Variants in EXOC4 observed in about 807,000 individuals in gnomAD.
EXOC4 encodes exocyst complex component 4.
EXOC4 carries 71 observed loss-of-function variants against 107.2 expected under a neutral mutation model. That is an observed-to-expected ratio of 0.66 (90% CI 0.55 to 0.81). The LOEUF (loss-of-function observed/expected upper bound fraction) is 0.81. Ranked by LOEUF, EXOC4 falls within the 30% of genes least tolerant of loss-of-function variation. The probability of loss-of-function intolerance (pLI) is 0.00; values close to 1 mark genes in which losing one functional copy is unlikely to be tolerated. For synonymous variants in EXOC4, 456 were observed against 441.2 expected (o/e 1.03, Z -0.42); for missense variants, 1,108 against 1,189.6 (o/e 0.93, Z 1.01).
chr7:133,727,018 A>C (rs1480810087), intron 10 of EXOC4, among the ~76,000 whole-genome samples: 1 of 152,214 alleles, frequency 6.6e-6, no homozygotes, highest in East Asian at 1.9e-4. Flanking sequence ...GGCGTCATGG[A>C]ATTAGTTGAG....
chr7:133,985,545 C>T (rs1794094296), intron 14 of EXOC4, among the ~76,000 whole-genome samples: 1 of 152,174 alleles, frequency 6.6e-6, no homozygotes, highest in Admixed American at 6.5e-5. Flanking sequence ...TTGACAGCTA[C>T]CAGAAGCTCC....
chr7:133,649,605 A>G, intron 10 of EXOC4, among the ~76,000 whole-genome samples: 1 of 151,818 alleles, frequency 6.6e-6, no homozygotes, highest in Non-Finnish European at 1.5e-5. Flanking sequence ...TGTAAACCTC[A>G]CTAATACTTT....
intron 11 of EXOC4, among the ~76,000 whole-genome samples, chr7:133,863,365 A>G (rs1266977454): frequency 6.6e-6 from 1 of 152,224 alleles, no homozygotes; most frequent in Non-Finnish European, 1.5e-5. Context: ...TAACAATGAA[A>G]AATAATACAC....
At chr7:133,743,267 C>G (rs531392292) in intron 10 of EXOC4, among the ~76,000 whole-genome samples, 92 of 152,198 alleles carry the variant, frequency 6.0e-4, no homozygotes, top group African/African-American at 2.2e-3. Flanking sequence ...CTTGTTTTCC[C>G]ATCTCCAGAA....
chr7:133,404,224 C>T (rs1374385530), intron 7 of EXOC4, among the ~76,000 whole-genome samples: 4 of 152,008 alleles, frequency 2.6e-5, no homozygotes, highest in Non-Finnish European at 5.9e-5. Context: ...CTCAGCCTCC[C>T]GAGTAGCTGG....
At chr7:133,942,812 T>A (rs752354225) in intron 14 of EXOC4, among the ~76,000 whole-genome samples, 1 of 152,176 alleles carries the variant, frequency 6.6e-6, no homozygotes, top group Non-Finnish European at 1.5e-5. Flanking sequence ...TTCTTGTGCC[T>A]AAACAGAATT....
intron 7 of EXOC4, among the ~76,000 whole-genome samples, chr7:133,433,197 T>C (rs1302020510): frequency 2.0e-5 from 3 of 152,158 alleles, no homozygotes; most frequent in Non-Finnish European, 4.4e-5. Flanking sequence ...AATGGAAGGA[T>C]GTGGTAGGTT....
intron 15 of EXOC4, among the ~76,000 whole-genome samples, chr7:134,004,389 A>G (rs766298521): frequency 6.6e-6 from 1 of 152,168 alleles, no homozygotes; most frequent in African/African-American, 2.4e-5. Flanking sequence ...TGGATAAGGA[A>G]CTGAGGGATA....
rs538543063 is a variant in EXOC4, at chr7:133,483,941, C to T, written c.1417+3803C>T. The T allele has an allele frequency of 1.1e-3, 1,382 of 1,248,274 alleles. 12 individuals carry two copies. Among genetic ancestry groups the T allele is most frequent in the South Asian group, 5.3e-3 (438 of 83,078 alleles). 77.3% of individuals were successfully genotyped at this position (1,248,274 alleles called of 1,614,324 possible). A position where few individuals can be genotyped will look rare whatever the true frequency, so the allele number is the denominator to read the frequency against. On this transcript the variant is annotated intron_variant, in intron 9 of 17. Coordinates refer to ENST00000253861, the MANE Select transcript of EXOC4 (RefSeq NM_021807.4). ...AATAGTTCAGTCAAACCGTAAGAGACTAAGGGAAGATTTTTGTTTCTTCTG... is the reference window on the plus strand; with the variant it reads ...AATAGTTCAGTCAAACCGTAAGAGATTAAGGGAAGATTTTTGTTTCTTCTG...
At chr7:133,838,664 G>A (rs1192813974) in intron 11 of EXOC4, among the ~76,000 whole-genome samples, 1 of 152,174 alleles carries the variant, frequency 6.6e-6, no homozygotes, top group Admixed American at 6.5e-5. Context: ...TCAGGTAATA[G>A]CTATGCTGCA....
At chr7:133,717,290 A>G (rs1795017515) in intron 10 of EXOC4, among the ~76,000 whole-genome samples, 1 of 152,214 alleles carries the variant, frequency 6.6e-6, no homozygotes, top group Non-Finnish European at 1.5e-5. Context: ...TTTATCAATG[A>G]TAGGAACAAT....
intron 7 of EXOC4, among the ~76,000 whole-genome samples, chr7:133,446,476 C>G (rs1465169493): frequency 6.6e-6 from 1 of 152,114 alleles, no homozygotes; most frequent in African/African-American, 2.4e-5. Flanking sequence ...TCACTGTTAG[C>G]TAGTGAAAAC....
At chr7:133,719,300 T>C (rs1795058767) in intron 10 of EXOC4, among the ~76,000 whole-genome samples, 1 of 152,154 alleles carries the variant, frequency 6.6e-6, no homozygotes, top group Non-Finnish European at 1.5e-5. Flanking sequence ...TAAGCCTCTT[T>C]TGTAAATTGC....
chr7:133,594,144 C>A (rs949118677), intron 9 of EXOC4, among the ~76,000 whole-genome samples: 7 of 152,112 alleles, frequency 4.6e-5, no homozygotes, highest in African/African-American at 1.7e-4. Flanking sequence ...TTGTCAGAAC[C>A]CTTAAATGTG....
intron 9 of EXOC4, among the ~76,000 whole-genome samples, chr7:133,567,911 C>A (rs1055782045): frequency 1.3e-5 from 2 of 152,176 alleles, no homozygotes; most frequent in African/African-American, 2.4e-5. Context: ...AACCCTCTTA[C>A]AATGGCAATT....
intron 9 of EXOC4, among the ~76,000 whole-genome samples, chr7:133,578,204 C>G (rs892788397): frequency 6.6e-6 from 1 of 152,034 alleles, no homozygotes; most frequent in African/African-American, 2.4e-5. Flanking sequence ...TCCTATTTAT[C>G]CCTTTTAAAT....
intron 6 of EXOC4, among the ~76,000 whole-genome samples, chr7:133,366,677 A>G (rs990293117): frequency 1.3e-5 from 2 of 152,146 alleles, no homozygotes; most frequent in African/African-American, 4.8e-5. Flanking sequence ...CTTATCTGTA[A>G]TCAGGCCTCT....
At chr7:133,799,966 T>G (rs1216198875) in intron 10 of EXOC4, among the ~76,000 whole-genome samples, 2 of 152,118 alleles carry the variant, frequency 1.3e-5, no homozygotes, top group Non-Finnish European at 2.9e-5. Context: ...ACTTAGTGAG[T>G]CAGGTAGCTG....
intron 17 of EXOC4, among the ~76,000 whole-genome samples, chr7:134,060,371 A>G (rs552368574): frequency 6.6e-6 from 1 of 152,324 alleles, no homozygotes; most frequent in Non-Finnish European, 1.5e-5. Flanking sequence ...TGACTGCTGA[A>G]TATTGTAGGC....
Sources: allele counts gnomAD v4.1 joint callset (sites outside exome capture counted in the v4.1 genomes callset), GRCh38; gene constraint gnomAD v4.1.1; transcripts MANE v1.5; gene names NCBI Gene and HGNC (gene_info 2026-07-23, HGNC 2026-07-21).